The following PDE1A variants were observed in gnomAD, a reference collection of about 807,000 sequenced individuals.
PDE1A encodes dual specificity calcium/calmodulin-dependent 3',5'-cyclic nucleotide phosphodiesterase 1A.
A neutral mutation model predicts 61.7 loss-of-function variants in PDE1A; 35 were observed. The ratio of observed to expected loss-of-function variants is 0.57; its 90% CI spans 0.43 to 0.75. The LOEUF is 0.75. Among genes scored for constraint, PDE1A ranks in the 30% least tolerant of loss-of-function variants. PDE1A has a pLI of 0.00. For synonymous variants in PDE1A, 232 were observed against 213.2 expected (o/e 1.09, Z -0.77); for missense variants, 597 against 630.6 (o/e 0.95, Z 0.57).
chr2:182,288,322 A>G (rs1459427970), intron 1 of PDE1A, among the ~76,000 whole-genome samples: 1 of 152,132 alleles, frequency 6.6e-6, no homozygotes, highest in Non-Finnish European at 1.5e-5. Flanking sequence ...TATCAAAGGT[A>G]ATCGCCGTAC....
At chr2:182,484,290 G>A (rs1176238036) in intron 2 of PDE1A, among the ~76,000 whole-genome samples, 1 of 151,706 alleles carries the variant, frequency 6.6e-6, no homozygotes, top group Admixed American at 6.6e-5. Flanking sequence ...GAAAACTATA[G>A]AACAATACTT....
chr2:182,489,464 T>G (rs1484714085), intron 2 of PDE1A, among the ~76,000 whole-genome samples: 2 of 152,132 alleles, frequency 1.3e-5, no homozygotes, highest in African/African-American at 4.8e-5. Flanking sequence ...AAGAGTGGAT[T>G]AGGGAGACCG....
intron 1 of PDE1A, among the ~76,000 whole-genome samples, chr2:182,275,952 C>A (rs1193969679): frequency 1.3e-5 from 2 of 152,054 alleles, no homozygotes; most frequent in African/African-American, 4.8e-5. Flanking sequence ...ATTAACAAGG[C>A]ATTACAAATT....
At chr2:182,550,658 C>T in the PDE1A span, among the ~76,000 whole-genome samples, 8 of 152,294 alleles carry the variant, frequency 5.3e-5, no homozygotes, top group South Asian at 4.1e-4. Context: ...ACTGTTATAA[C>T]AGACAATCCA....
intron 13 of PDE1A, among the ~76,000 whole-genome samples, chr2:182,182,311 G>C (rs1224738333): frequency 3.3e-5 from 5 of 152,026 alleles, no homozygotes; most frequent in Non-Finnish European, 7.4e-5. Context: ...AATCCTATCA[G>C]TTCAGCTTTC....
At chr2:182,672,671 C>T in the PDE1A span, among the ~76,000 whole-genome samples, 1 of 152,306 alleles carries the variant, frequency 6.6e-6, no homozygotes, top group Admixed American at 6.5e-5. Flanking sequence ...ATTGACCAGC[C>T]GTTAGTAACA....
the PDE1A span, among the ~76,000 whole-genome samples, chr2:182,674,433 A>G: frequency 6.6e-6 from 1 of 152,174 alleles, no homozygotes; most frequent in Non-Finnish European, 1.5e-5. Context: ...CCTTAAATTT[A>G]TAATAATCTG....
intron 13 of PDE1A, among the ~76,000 whole-genome samples, chr2:182,185,169 G>A (rs1441026090): frequency 6.6e-6 from 1 of 152,062 alleles, no homozygotes; most frequent in Non-Finnish European, 1.5e-5. Flanking sequence ...AAAGACCCTG[G>A]AGTATTTTAA....
At chr2:182,217,900 C>T (rs1349088188) in intron 7 of PDE1A, among the ~76,000 whole-genome samples, 1 of 151,938 alleles carries the variant, frequency 6.6e-6, no homozygotes, top group Admixed American at 6.6e-5. Flanking sequence ...ACCATTCGAC[C>T]CAGCCATCCC....
intron 7 of PDE1A, among the ~76,000 whole-genome samples, chr2:182,214,174 A>G (rs1306891962): frequency 1.3e-5 from 2 of 151,680 alleles, no homozygotes; most frequent in African/African-American, 4.9e-5. Context: ...AAGCTTCATA[A>G]GCGAAGGAGA....
At chr2:182,598,572 A>G in the PDE1A span, among the ~76,000 whole-genome samples, 1 of 151,872 alleles carries the variant, frequency 6.6e-6, no homozygotes, top group East Asian at 1.9e-4. Flanking sequence ...CAAAAAAAAA[A>G]AAAACAAAAA....
At chr2:182,521,119 A>C (rs1351543247) in intron 2 of PDE1A, among the ~76,000 whole-genome samples, 1 of 152,076 alleles carries the variant, frequency 6.6e-6, no homozygotes, top group African/African-American at 2.4e-5. Flanking sequence ...AAAATATACA[A>C]AGAACAATAT....
At chr2:182,522,474 T>C (rs1690629748) in intron 1 of PDE1A, 3 of 1,567,774 alleles carry the variant, frequency 1.9e-6, no homozygotes, top group South Asian at 1.2e-5. Context: ...TACAGTAGCC[T>C]CTCTTATCTA....
At chr2:182,715,862 T>C in the PDE1A span, among the ~76,000 whole-genome samples, 2 of 152,192 alleles carry the variant, frequency 1.3e-5, no homozygotes, top group Non-Finnish European at 2.9e-5. Context: ...AATTTCGCCT[T>C]TCGGTCTCAC....
chr2:182,491,722 T>C lies in PDE1A; in HGVS notation c.101+30554A>G, dbSNP rs547625317. Among the ~76,000 whole-genome samples the C allele has an allele frequency of 2.6e-5, 4 of 152,144 alleles. No homozygotes were observed. In the South Asian group the frequency reaches 6.2e-4, roughly 24 times the overall value. ...GTTTTATGAGATAGAATGTTATTTT[T>C]CCCAAACACTTTACATTTTCCTACT... On this transcript the variant is annotated intron_variant, in intron 2 of 14. Coordinates refer to the PDE1A transcript ENST00000410103.
chr2:182,446,941 T>G (rs975712372), intron 2 of PDE1A, among the ~76,000 whole-genome samples: 1 of 101,268 alleles, frequency 9.9e-6, no homozygotes, highest in South Asian at 3.7e-4. Context: ...AGTGAGATAA[T>G]ATATATATAT....
chr2:182,622,729 T>A, the PDE1A span, among the ~76,000 whole-genome samples: 1 of 152,064 alleles, frequency 6.6e-6, no homozygotes, highest in Non-Finnish European at 1.5e-5. Context: ...CTGAGCTAGA[T>A]TTGATAGTAG....
downstream of PDE1A, among the ~76,000 whole-genome samples, chr2:182,144,188 T>C (rs1264390264): frequency 6.6e-6 from 1 of 152,056 alleles, no homozygotes; most frequent in Non-Finnish European, 1.5e-5. Flanking sequence ...CGTTAAAGAG[T>C]AGACACCGGT....
At chr2:182,660,725 A>G in the PDE1A span, among the ~76,000 whole-genome samples, 1 of 152,214 alleles carries the variant, frequency 6.6e-6, no homozygotes, top group Admixed American at 6.5e-5. Context: ...AAACATGGAC[A>G]TCGGTCCTGG....
Sources: gnomAD v4.1 joint callset for allele counts (sites outside exome capture counted in the v4.1 genomes callset) on GRCh38, gnomAD v4.1.1 for gene constraint, MANE v1.5 for transcripts, NCBI Gene and HGNC (gene_info 2026-07-23, HGNC 2026-07-21) for gene names.